Variants in SLTM observed in about 807,000 individuals in gnomAD.
The protein encoded by SLTM is SAFB like transcription modulator.
A neutral mutation model predicts 134.6 loss-of-function variants in SLTM; 43 were observed. The observed-to-expected ratio is 0.32, with a 90% CI of 0.25 to 0.41. The LOEUF (loss-of-function observed/expected upper bound fraction) is 0.41, where lower values mean the gene tolerates loss of function less well. Ranked by LOEUF, SLTM falls within the 10% of genes least tolerant of loss-of-function variation. The pLI, the probability that SLTM is intolerant of heterozygous loss-of-function variation, is 1.00. For synonymous variants in SLTM, 424 were observed against 432.3 expected, an observed-to-expected ratio of 0.98 and a Z score of 0.24; for missense variants, 1,055 against 1,288.8, an observed-to-expected ratio of 0.82 and a Z score of 2.78.
At chr15:58,933,324 G>A (rs1172570114) in intron 1 of SLTM, 80 bp downstream of exon 1, 2 of 1,445,590 alleles carry the variant, frequency 1.4e-6, no homozygotes, top group East Asian at 2.9e-5. Flanking sequence ...CGGGCAGCCG[G>A]AGGCTGCGGC....
intron 19 of SLTM, among the ~76,000 whole-genome samples, chr15:58,886,323 G>C (rs2034206689): frequency 6.7e-6 from 1 of 149,762 alleles, no homozygotes; most frequent in Non-Finnish European, 1.5e-5. Flanking sequence ...CTGGAGTGCA[G>C]TGGCACCATC....
intron 20 of SLTM, among the ~76,000 whole-genome samples, chr15:58,881,517 C>T (rs1402256600): frequency 1.7e-5 from 2 of 115,984 alleles, no homozygotes; most frequent in East Asian, 2.1e-4. Flanking sequence ...ACAGATACTT[C>T]GTCTTGGAAA....
chr15:58,901,105 G>A (rs1463100635), intron 6 of SLTM, 155 bp downstream of exon 6: 3 of 661,090 alleles, frequency 4.5e-6, no homozygotes, highest in South Asian at 3.7e-5. Flanking sequence ...AAAACCAATT[G>A]GAAAATAAAA....
chr15:58,908,539 AT>A (rs72305182), intron 5 of SLTM, among the ~76,000 whole-genome samples: 6 of 149,234 alleles, frequency 4.0e-5, no homozygotes, highest in African/African-American at 1.5e-4. Flanking sequence ...GCTATTTAAA[AT>A]TTTTTTTTTA....
Position 58,932,442 on chromosome 15 carries a change from G to C in SLTM, c.164C>G (p.Ala55Gly). The change falls in exon 2 of 21, where the codon GCT becomes GGT. Residue 55 changes from alanine (A) to glycine (G), a missense_variant and splice_region_variant. Physicochemically the swap from Ala to Gly is moderately conservative, Grantham distance 60. Coordinates refer to ENST00000380516, the MANE Select transcript of SLTM (RefSeq NM_024755.4). Reference sequence around the variant, plus strand: ...TGGATCGCCTCCTTCCTCTTCAATAGCCTACATTAGAAAGAGAAGTTAATA... The same window carrying C: ...TGGATCGCCTCCTTCCTCTTCAATACCCTACATTAGAAAGAGAAGTTAATA... ...KTVLISRLKQ[A>G]IEEEGGDPDN... 6 of 1,594,570 alleles carry C rather than the reference G, an allele frequency of 3.8e-6. No homozygotes were observed. The highest frequency in any genetic ancestry group is 5.2e-6 in the Non-Finnish European group (6 of 1,162,590).
chr15:58,887,689 C>T, intron 17 of SLTM, 149 bp from the exon 18 acceptor site: 3 of 1,407,228 alleles, frequency 2.1e-6, no homozygotes, highest in Non-Finnish European at 1.9e-6. Flanking sequence ...TTGATTATTA[C>T]AACTCATTTT....
At chr15:58,929,079 T>C (rs1380684834) in intron 2 of SLTM, among the ~76,000 whole-genome samples, 1 of 152,202 alleles carries the variant, frequency 6.6e-6, no homozygotes, top group Non-Finnish European at 1.5e-5. Flanking sequence ...AAAAGTGGCA[T>C]AACCAAGATG....
rs778439711 is a variant in SLTM, at chr15:58,932,440, T to G, written c.166A>C (p.Ile56Leu). ...TCTGGATCGCCTCCTTCCTCTTCAA[T>G]AGCCTACATTAGAAAGAGAAGTTAA... ...TVLISRLKQAIEEEGGDPDNI... is the reference protein window; with the variant it reads ...TVLISRLKQALEEEGGDPDNI... The change falls in exon 2 of 21, where the codon ATT (isoleucine) becomes CTT (leucine). Residue 56 changes from isoleucine (I) to leucine (L), a missense_variant. Physicochemically the swap from Ile to Leu is conservative, Grantham distance 5 (BLOSUM62 2). Around this residue, in one of 3 missense-constraint regions of SLTM, gnomAD observed 268 missense variants for 284.3 expected, o/e 0.94. Transcript: ENST00000380516. 1 of 1,595,160 alleles carries G rather than the reference T, an allele frequency of 6.3e-7. No homozygotes were observed. The highest frequency in any genetic ancestry group is 8.6e-7 in the Non-Finnish European group (1 of 1,162,946).
chr15:58,929,664 G>C (rs1245442973), intron 2 of SLTM, among the ~76,000 whole-genome samples: 2 of 152,018 alleles, frequency 1.3e-5, no homozygotes, highest in African/African-American at 2.4e-5. Flanking sequence ...GGACTCAAGC[G>C]ATCCTCCCAC....
chr15:58,924,936 T>C (rs889479010), intron 2 of SLTM, among the ~76,000 whole-genome samples: 1 of 152,038 alleles, frequency 6.6e-6, no homozygotes, highest in Non-Finnish European at 1.5e-5. Flanking sequence ...CTTCCTGCCT[T>C]GGCCTCCCAA....
At chr15:58,915,137 G>A (rs987178809) in intron 3 of SLTM, among the ~76,000 whole-genome samples, 1 of 152,066 alleles carries the variant, frequency 6.6e-6, no homozygotes, top group Non-Finnish European at 1.5e-5. Context: ...GTTGCAGCGA[G>A]CTGACATCGC....
intron 19 of SLTM, among the ~76,000 whole-genome samples, chr15:58,885,710 G>C (rs1381236496): frequency 6.6e-6 from 1 of 152,046 alleles, no homozygotes; most frequent in Non-Finnish European, 1.5e-5. Flanking sequence ...CTTGAACCTG[G>C]GAGGCGGAGG....
intron 5 of SLTM, among the ~76,000 whole-genome samples, chr15:58,908,430 G>C (rs1464184935): frequency 6.6e-6 from 1 of 151,666 alleles, no homozygotes; most frequent in Non-Finnish European, 1.5e-5. Context: ...ACAGTGGTGT[G>C]ATCTTGGCTC....
intron 9 of SLTM, among the ~76,000 whole-genome samples, chr15:58,895,827 A>C (rs1482347324): frequency 6.6e-6 from 1 of 152,128 alleles, no homozygotes; most frequent in Non-Finnish European, 1.5e-5. Flanking sequence ...CCTCCTTTAC[A>C]CTCAGGCAAC....
chr15:58,887,883 G>A (rs1458287419), intron 17 of SLTM, among the ~76,000 whole-genome samples: 1 of 152,146 alleles, frequency 6.6e-6, no homozygotes, highest in African/African-American at 2.4e-5. Context: ...GGGAGTGGTG[G>A]CTCAGGCCTG....
chr15:58,926,396 C>T (rs1207750108), intron 2 of SLTM, among the ~76,000 whole-genome samples: 1 of 152,120 alleles, frequency 6.6e-6, no homozygotes, highest in African/African-American at 2.4e-5. Context: ...AGTACTTGCA[C>T]ATACACCTAC....
At chr15:58,914,573 G>A (rs1405851268) in intron 3 of SLTM, among the ~76,000 whole-genome samples, 1 of 152,164 alleles carries the variant, frequency 6.6e-6, no homozygotes, top group Non-Finnish European at 1.5e-5. Flanking sequence ...TACAGCATGA[G>A]TAGGGGAGCG....
chr15:58,915,197 C>CA (rs1460500535), intron 3 of SLTM, among the ~76,000 whole-genome samples: 2 of 10,446 alleles, frequency 1.9e-4, no homozygotes, highest in East Asian at 5.3e-3. Context: ...TCTCAAAAAA[C>CA]AAAAACAAAA....
intron 10 of SLTM, 57 bp from the exon 11 acceptor site, chr15:58,894,250 TAAG>T (rs2034895501): frequency 6.7e-7 from 1 of 1,481,668 alleles, no homozygotes; most frequent in Non-Finnish European, 9.3e-7. Context: ...TTTGTGATTA[TAAG>T]AAGTGTGCTA....
Sources: gnomAD v4.1 joint callset for allele counts (sites outside exome capture counted in the v4.1 genomes callset) on GRCh38, gnomAD v4.1.1 for gene constraint, gnomAD v4.1.1 regional missense constraint, MANE v1.5 for transcripts, NCBI Gene and HGNC (gene_info 2026-07-23, HGNC 2026-07-21) for gene names.